The following ICE2 variants were observed in gnomAD, a reference collection of about 807,000 sequenced individuals.
ICE2 encodes the protein little elongation complex subunit 2.
In ICE2, 87 loss-of-function variants were observed where a neutral mutation model predicts 105.4. That is an observed-to-expected ratio of 0.83 (90% CI 0.69 to 0.99). The LOEUF (loss-of-function observed/expected upper bound fraction) is 0.99. Among genes scored for constraint, ICE2 ranks in the 50% least tolerant of loss-of-function variants. The pLI is 0.00. For synonymous variants in ICE2, 399 were observed against 392.0 expected, an observed-to-expected ratio of 1.02 and a Z score of -0.21; for missense variants, 1,323 against 1,146.7, an observed-to-expected ratio of 1.15 and a Z score of -2.22.
chr15:60,450,375 A>G (rs2063937220), intron 9 of ICE2, among the ~76,000 whole-genome samples: 1 of 152,238 alleles, frequency 6.6e-6, no homozygotes, highest in Admixed American at 6.5e-5. Context: ...AACTCTTAGC[A>G]ATAAAAGATG....
chr15:60,475,539 T>C (rs1031364980), intron 3 of ICE2, among the ~76,000 whole-genome samples: 12 of 152,136 alleles, frequency 7.9e-5, no homozygotes, highest in Non-Finnish European at 1.5e-4. Context: ...CTATAGGCTA[T>C]ATAGTGAGGT....
intron 15 of ICE2, among the ~76,000 whole-genome samples, chr15:60,425,241 T>C (rs2063315367): frequency 6.6e-6 from 1 of 152,312 alleles, no homozygotes; most frequent in Admixed American, 6.5e-5. Flanking sequence ...TTTGTCTGTG[T>C]GAATCTGATG....
At chr15:60,470,923 G>C (rs2064575765) in intron 3 of ICE2, among the ~76,000 whole-genome samples, 1 of 152,058 alleles carries the variant, frequency 6.6e-6, no homozygotes, top group African/African-American at 2.4e-5. Flanking sequence ...AAGTGGGAGG[G>C]TATCAGTCTG....
Position 60,436,135 on chromosome 15 carries a change from T to C in ICE2, c.2510+8A>G. On this transcript the variant is annotated splice_region_variant and intron_variant, in intron 13 of 15. Transcript: ENST00000261520. ...TTTCAATTCTCACCACAAAGTAAAC[T>C]TTCTTACTTGAGTGCTGAAAGCTTT... 1.6e-6 allele frequency: 2 copies of C among 1,281,428 alleles called. No individual in the cohort carries two copies. Among genetic ancestry groups the C allele is most frequent in the Non-Finnish European group, 1.1e-6 (1 of 930,740 alleles). 79.4% of individuals were successfully genotyped at this position (1,281,428 alleles called of 1,614,324 possible).
intron 14 of ICE2, among the ~76,000 whole-genome samples, chr15:60,430,019 G>C (rs8031910): frequency 6.6e-6 from 1 of 151,960 alleles, no homozygotes; most frequent in Non-Finnish European, 1.5e-5. Context: ...AGACAGAATA[G>C]TGGCCTCCTA....
At chr15:60,474,949 T>C (rs1049477091) in intron 3 of ICE2, among the ~76,000 whole-genome samples, 1 of 152,044 alleles carries the variant, frequency 6.6e-6, no homozygotes, top group African/African-American at 2.4e-5. Context: ...AGCAAGACCA[T>C]GTCTCTTCAA....
chr15:60,430,941 T>G (rs1264182122), intron 14 of ICE2, among the ~76,000 whole-genome samples: 1 of 152,084 alleles, frequency 6.6e-6, no homozygotes, highest in Non-Finnish European at 1.5e-5. Context: ...GTGGCACATC[T>G]CAGCTTTGCA....
chr15:60,447,897 C>T, intron 11 of ICE2, 73 bp downstream of exon 11: 1 of 1,244,638 alleles, frequency 8.0e-7, no homozygotes, highest in Non-Finnish European at 1.1e-6. Flanking sequence ...ATTTAAACTT[C>T]ACAGTAATGG....
At chr15:60,450,474 A>G (rs999350706) in intron 9 of ICE2, among the ~76,000 whole-genome samples, 1 of 152,230 alleles carries the variant, frequency 6.6e-6, no homozygotes, top group African/African-American at 2.4e-5. Flanking sequence ...GTAATGGAAA[A>G]ACTACACACG....
intron 15 of ICE2, 77 bp from the exon 16 acceptor site, chr15:60,423,839 A>G (rs1036763964): frequency 2.2e-5 from 28 of 1,279,072 alleles, no homozygotes; most frequent in Non-Finnish European, 2.7e-5. Flanking sequence ...TGTAGTATTT[A>G]TACATGTATT....
chr15:60,443,247 A>G (rs2063756552), intron 11 of ICE2, among the ~76,000 whole-genome samples: 1 of 152,232 alleles, frequency 6.6e-6, no homozygotes, highest in African/African-American at 2.4e-5. Flanking sequence ...CTATCTCATT[A>G]TCTTCAAAGA....
rs200337448 is a variant in ICE2 at position 60,449,289 on chromosome 15, C to A, written c.1678G>T (p.Ala560Ser). Residue 560 changes from alanine to serine, a missense_variant, in exon 10 of 16, where the codon GCA (alanine) becomes TCA (serine). Ala to Ser is a moderately conservative substitution (Grantham distance 99). Transcript: ENST00000261520. ...AGAACTGTATCTTCAGTTTTTGCTG[C>A]TTCTGATCCAACAGTCTTTTCCTTT... The part of the protein sequence containing the change: ...NSKEKTVGSE[A>S]AKTEDTVLCS... The A allele has an allele frequency of 4.3e-6, 7 of 1,613,200 alleles. No homozygotes were observed. In the East Asian group the frequency reaches 1.3e-4, roughly 31 times the overall value.
rs1168384486 is a variant in ICE2 at position 60,423,001 on chromosome 15, T to C, written c.*633A>G. 6.6e-6 allele frequency: 1 copy of C among 152,660 alleles called. No homozygotes were observed. The highest frequency in any genetic ancestry group is 2.4e-5 in the African/African-American group (1 of 41,470). The allele number at this position is 152,660 out of a possible 1,614,324, so 9.5% of individuals were successfully genotyped here. Reference sequence around the variant, plus strand: ...GAGGCATCTGTCATCAAACATGTTATACCACCAAATTTTTTCTTTTATTAA... The same window carrying C: ...GAGGCATCTGTCATCAAACATGTTACACCACCAAATTTTTTCTTTTATTAA... On this transcript the variant is annotated 3_prime_UTR_variant, in exon 16 of 16. Coordinates refer to ENST00000261520, the MANE Select transcript of ICE2 (RefSeq NM_024611.6).
intron 11 of ICE2, 36 bp downstream of exon 11, chr15:60,447,934 T>C (rs772567033): frequency 1.3e-6 from 2 of 1,524,722 alleles, no homozygotes; most frequent in Non-Finnish European, 1.8e-6. Context: ...TGATTATTTA[T>C]GTGATCATAT....
rs1183641087 is a variant in ICE2, at chr15:60,455,436, C to A, written c.673G>T (p.Val225Leu). Reference protein sequence around the residue: ...LEKTLLALGSVKYVKTVFPSM... With the variant: ...LEKTLLALGSLKYVKTVFPSM... ...GGAAATACTGTTTTCACATATTTTACACTGCCCTAAATATGAAAAAAAAAT... is the reference window on the plus strand; with the variant it reads ...GGAAATACTGTTTTCACATATTTTAAACTGCCCTAAATATGAAAAAAAAAT... The change falls in exon 7 of 16, where the codon GTA (valine) becomes TTA (leucine). Residue 225 changes from valine to leucine, a missense_variant. Transcript: ENST00000261520. The A allele has an allele frequency of 6.2e-7, 1 of 1,601,824 alleles. No individual in the cohort carries two copies. The highest frequency in any genetic ancestry group is 2.2e-5 in the East Asian group (1 of 44,812).
rs561948418 is a variant in ICE2, at chr15:60,466,190, A to G, written c.528+404T>C. 3.9e-5 allele frequency among the ~76,000 whole-genome samples: 6 copies of G among 152,348 alleles called. No homozygotes were observed. The East Asian group carries it at 1.2e-3, about 29-fold the overall frequency. ...AAAAATGAACTCAGAGTTGAAATTTATCATTTTGTGGCTGGTTACCACAAA... is the reference window on the plus strand; with the variant it reads ...AAAAATGAACTCAGAGTTGAAATTTGTCATTTTGTGGCTGGTTACCACAAA... On this transcript the variant is annotated intron_variant, in intron 5 of 15. Transcript: ENST00000261520.
rs778142979 is a variant in ICE2, at chr15:60,478,990, C to T, written c.-93+13G>A. The T allele has an allele frequency of 2.2e-6, 1 of 455,856 alleles. No individual in the cohort carries two copies. Among genetic ancestry groups the T allele is most frequent in the African/African-American group, 2.0e-5 (1 of 50,070 alleles). The allele number at this position is 455,856 out of a possible 1,614,324, so 28.2% of individuals were successfully genotyped here. A position where few individuals can be genotyped will look rare whatever the true frequency, so the allele number is the denominator to read the frequency against. On this transcript the variant is annotated intron_variant, in intron 1 of 15. Transcript: ENST00000261520. ...CGTCCGCGTCTGGGCTGCAACACAGCCTTTCCGCCCACCTCATGGTCCGCG... is the reference window on the plus strand; with the variant it reads ...CGTCCGCGTCTGGGCTGCAACACAGTCTTTCCGCCCACCTCATGGTCCGCG...
chr15:60,454,285 CA>C (rs1305888647), intron 8 of ICE2, among the ~76,000 whole-genome samples: 1 of 152,066 alleles, frequency 6.6e-6, no homozygotes, highest in African/African-American at 2.4e-5. Flanking sequence ...ATTTTATTGT[CA>C]AAAGAAAGAC....
At chr15:60,460,677 C>T (rs959738605) in intron 5 of ICE2, among the ~76,000 whole-genome samples, 4 of 152,108 alleles carry the variant, frequency 2.6e-5, no homozygotes, top group African/African-American at 9.7e-5. Context: ...TTAGTAGCAC[C>T]TCTGGCTCTA....
Sources: allele counts gnomAD v4.1 joint callset (sites outside exome capture counted in the v4.1 genomes callset), GRCh38; gene constraint gnomAD v4.1.1; transcripts MANE v1.5; gene names NCBI Gene and HGNC (gene_info 2026-07-23, HGNC 2026-07-21).